STPG2: variants seen among roughly 807,000 people sequenced by gnomAD.
The protein encoded by STPG2 is sperm tail PG-rich repeat containing 2.
In STPG2, 56 loss-of-function variants were observed where a neutral mutation model predicts 54.2. The observed-to-expected ratio is 1.03, with a 90% CI of 0.83 to 1.29. The LOEUF is 1.29. Among genes scored for constraint, STPG2 ranks in the 50% most tolerant of loss-of-function variants. The probability of loss-of-function intolerance (pLI) is 0.00; values close to 1 mark genes in which losing one functional copy is unlikely to be tolerated. For missense variants in STPG2, 596 were observed against 544.9 expected (o/e 1.09, Z -0.93); for synonymous variants, 200 against 181.8 (o/e 1.10, Z -0.81).
chr4:97,697,120 C>T (rs571492947), intron 10 of STPG2, among the ~76,000 whole-genome samples: 2 of 152,188 alleles, frequency 1.3e-5, no homozygotes, highest in Non-Finnish European at 2.9e-5. Context: ...ACAAAATGGT[C>T]AGATAGTAGA....
chr4:97,862,409 A>C (rs1186269739), intron 8 of STPG2, among the ~76,000 whole-genome samples: 3 of 152,138 alleles, frequency 2.0e-5, no homozygotes, highest in African/African-American at 7.2e-5. Context: ...TCTTAAATAT[A>C]TATGCACCCA....
chr4:97,590,780 A>G (rs930564742), intron 10 of STPG2, among the ~76,000 whole-genome samples: 5 of 152,148 alleles, frequency 3.3e-5, no homozygotes, highest in Non-Finnish European at 5.9e-5. Context: ...ATTAATGCCT[A>G]TATATTGCAC....
At chr4:98,123,861 G>A (rs1739754863) in intron 3 of STPG2, among the ~76,000 whole-genome samples, 2 of 152,108 alleles carry the variant, frequency 1.3e-5, no homozygotes, top group Admixed American at 6.6e-5. Flanking sequence ...ATGAATCTGG[G>A]TTCTCCTGTA....
chr4:97,942,773 C>T (rs749571475), intron 8 of STPG2, among the ~76,000 whole-genome samples: 1 of 152,134 alleles, frequency 6.6e-6, no homozygotes, highest in East Asian at 1.9e-4. Context: ...TCTCACGTAG[C>T]AGAATTTTAT....
intron 5 of STPG2, among the ~76,000 whole-genome samples, chr4:98,085,498 T>C (rs750550667): frequency 5.9e-5 from 9 of 152,086 alleles, no homozygotes; most frequent in African/African-American, 1.4e-4. Context: ...ATCTTAATAG[T>C]ATTGCATCTT....
At chr4:97,940,590 T>C (rs1732939314) in intron 8 of STPG2, among the ~76,000 whole-genome samples, 1 of 152,206 alleles carries the variant, frequency 6.6e-6, no homozygotes, top group Non-Finnish European at 1.5e-5. Context: ...TGGTTTCTTC[T>C]GCTATTAATA....
intron 4 of STPG2, among the ~76,000 whole-genome samples, chr4:97,538,235 C>A (rs545520313): frequency 3.0e-4 from 46 of 152,260 alleles, no homozygotes; most frequent in African/African-American, 1.1e-3. Context: ...TTCAGACAAT[C>A]AAACTTCTCC....
At position 97,891,879 on chromosome 4, in the gene STPG2, A is replaced by C. The variant is rs189366506; in HGVS notation, c.1045-50947T>G. 3.6e-3 allele frequency among the ~76,000 whole-genome samples: 546 copies of C among 152,226 alleles called. 5 individuals carry two copies. Among genetic ancestry groups the C allele is most frequent in the African/African-American group, 0.012 (519 of 41,546 alleles). On this transcript the variant is annotated intron_variant, in intron 8 of 10. Coordinates refer to ENST00000295268, the MANE Select transcript of STPG2 (RefSeq NM_174952.3). ...ATTACAAAAGCAGAAAAAATGCTTAAACTCCATGAAGTCAGAAACCATTAT... is the reference window on the plus strand; with the variant it reads ...ATTACAAAAGCAGAAAAAATGCTTACACTCCATGAAGTCAGAAACCATTAT...
chr4:97,586,969 A>C (rs1733017436), intron 10 of STPG2, among the ~76,000 whole-genome samples: 1 of 151,952 alleles, frequency 6.6e-6, no homozygotes, highest in Non-Finnish European at 1.5e-5. Context: ...TGATTAAAAC[A>C]AAAATTATAA....
intron 5 of STPG2, among the ~76,000 whole-genome samples, chr4:98,082,701 C>T (rs1738387438): frequency 6.6e-6 from 1 of 151,840 alleles, no homozygotes; most frequent in South Asian, 2.1e-4. Flanking sequence ...ATCCGCCTGC[C>T]TCGGCCTCCC....
chr4:97,751,069 C>G (rs1324072255), intron 9 of STPG2, among the ~76,000 whole-genome samples: 4 of 151,784 alleles, frequency 2.6e-5, no homozygotes, highest in Non-Finnish European at 5.9e-5. Context: ...CAAGAAAGAC[C>G]TATCTAATGT....
chr4:98,076,114 G>A (rs1472777133), intron 5 of STPG2, among the ~76,000 whole-genome samples: 1 of 151,896 alleles, frequency 6.6e-6, no homozygotes, highest in East Asian at 1.9e-4. Context: ...CGTGGTGGCG[G>A]GCGCCTGTAG....
At chr4:98,119,949 T>A (rs1243773869) in intron 3 of STPG2, among the ~76,000 whole-genome samples, 1 of 152,192 alleles carries the variant, frequency 6.6e-6, no homozygotes, top group Non-Finnish European at 1.5e-5. Context: ...TTTATGGCTG[T>A]ATAGTATTCC....
rs531263154 is a variant in STPG2 at position 98,052,099 on chromosome 4, A to G, written c.612+53854T>C. Reference sequence around the variant, plus strand: ...CAAAACTCTGTCTCAAAAAAAAAAAAAAAAAGAAACAAATTCACATTCAAC... The same window carrying G: ...CAAAACTCTGTCTCAAAAAAAAAAAGAAAAAGAAACAAATTCACATTCAAC... On this transcript the variant is annotated intron_variant, in intron 5 of 10. Coordinates refer to ENST00000295268, the MANE Select transcript of STPG2 (RefSeq NM_174952.3). Among the ~76,000 whole-genome samples the G allele has an allele frequency of 3.0e-3, 461 of 152,108 alleles. 9 individuals are homozygous for G. The highest frequency in any genetic ancestry group is 3.7e-4 in the Non-Finnish European group (25 of 67,992).
At chr4:97,814,148 A>G (rs1727835737) in intron 9 of STPG2, among the ~76,000 whole-genome samples, 1 of 152,134 alleles carries the variant, frequency 6.6e-6, no homozygotes. Context: ...TAACAAATGT[A>G]TTTTGTTTGT....
chr4:97,701,325 C>T (rs1249040211), intron 10 of STPG2, among the ~76,000 whole-genome samples: 1 of 152,050 alleles, frequency 6.6e-6, no homozygotes, highest in Admixed American at 6.6e-5. Context: ...GAGCTAAAAC[C>T]CCTTTAATTA....
At chr4:97,701,988 A>G (rs543871657) in intron 10 of STPG2, among the ~76,000 whole-genome samples, 80 of 152,276 alleles carry the variant, frequency 5.3e-4, no homozygotes, top group African/African-American at 1.9e-3. Flanking sequence ...AGCTCTTCAA[A>G]GATGCAGGTG....
chr4:97,745,909 A>G (rs1399901177), intron 9 of STPG2, among the ~76,000 whole-genome samples: 1 of 151,326 alleles, frequency 6.6e-6, no homozygotes, highest in African/African-American at 2.4e-5. Context: ...TAATCTTAAC[A>G]TCTGGATTTC....
At chr4:97,522,964 G>A (rs1343761616) in intron 4 of STPG2, among the ~76,000 whole-genome samples, 1 of 151,898 alleles carries the variant, frequency 6.6e-6, no homozygotes, top group African/African-American at 2.4e-5. Context: ...ATGTACCTCT[G>A]TACCACCTAA....
Sources: gnomAD v4.1 joint callset for allele counts (sites outside exome capture counted in the v4.1 genomes callset) on GRCh38, gnomAD v4.1.1 for gene constraint, MANE v1.5 for transcripts, NCBI Gene and HGNC (gene_info 2026-07-23, HGNC 2026-07-21) for gene names.